The following STXBP5L variants were observed in gnomAD, a reference collection of about 807,000 sequenced individuals.
STXBP5L encodes the protein syntaxin-binding protein 5-like.
STXBP5L carries 65 observed loss-of-function variants against 144.5 expected under a neutral mutation model. The observed-to-expected ratio is 0.45, with a 90% CI of 0.37 to 0.55. The LOEUF is 0.55. Ranked by LOEUF, STXBP5L falls within the 20% of genes least tolerant of loss-of-function variation. STXBP5L has a pLI of 0.00. For synonymous variants in STXBP5L, 505 were observed against 469.6 expected (o/e 1.08, Z -0.97); for missense variants, 1,298 against 1,405.5 (o/e 0.92, Z 1.22).
rs182621294 is a variant in STXBP5L at position 121,338,658 on chromosome 3, G to T, written c.2176+20118G>T. Among the ~76,000 whole-genome samples, 29 of 145,706 alleles carry T rather than the reference G, an allele frequency of 2.0e-4. No individual in the cohort carries two copies. The East Asian group carries it at 5.7e-3, about 28-fold the overall frequency. On this transcript the variant is annotated intron_variant, in intron 20 of 26. Coordinates refer to ENST00000471454, the MANE Select transcript of STXBP5L (RefSeq NM_001308330.2). ...AGAAAGAGAAAGAGAGAAAGAAAAA[G>T]AGAAAGAAAAAAAGAAAGAGGAAGG...
intron 3 of STXBP5L, among the ~76,000 whole-genome samples, chr3:120,962,085 T>C (rs796699391): frequency 2.6e-5 from 4 of 152,338 alleles, no homozygotes; most frequent in African/African-American, 9.6e-5. Flanking sequence ...TTGAGAAGTG[T>C]CTGTTCATAT....
intron 11 of STXBP5L, among the ~76,000 whole-genome samples, chr3:121,227,316 C>G (rs2049151503): frequency 6.6e-6 from 1 of 152,164 alleles, no homozygotes; most frequent in Non-Finnish European, 1.5e-5. Context: ...TGCAGTGGCT[C>G]ACACCTGTAA....
intron 20 of STXBP5L, chr3:121,324,578 C>A: frequency 1.5e-6 from 1 of 687,004 alleles, no homozygotes; most frequent in Non-Finnish European, 2.6e-6. Context: ...AAGTATATCA[C>A]TTGCCAGGTG....
chr3:120,941,727 A>G (rs1321036719), intron 2 of STXBP5L, among the ~76,000 whole-genome samples: 1 of 151,772 alleles, frequency 6.6e-6, no homozygotes, highest in African/African-American at 2.4e-5. Flanking sequence ...AACACTACCT[A>G]TTAATATTTA....
chr3:121,312,391 T>TTTTA (rs1491500989), intron 19 of STXBP5L, among the ~76,000 whole-genome samples: 1 of 100,350 alleles, frequency 1.0e-5, no homozygotes, highest in African/African-American at 4.1e-5. Flanking sequence ...TTTTTTTTTT[T>TTTTA]ATGGCAGAAA....
chr3:121,103,084 T>G (rs778759849), intron 5 of STXBP5L, among the ~76,000 whole-genome samples: 1 of 152,120 alleles, frequency 6.6e-6, no homozygotes, highest in African/African-American at 2.4e-5. Flanking sequence ...GAAAAAGGAA[T>G]GTTTGTACAC....
In STXBP5L at chr3:121,407,546, T is replaced by C. The variant is rs764003250; in HGVS notation, c.2891T>C (p.Met964Thr). 4 of 1,613,394 alleles carry C rather than the reference T, an allele frequency of 2.5e-6. No homozygotes were observed. The highest frequency in any genetic ancestry group is 3.4e-6 in the Non-Finnish European group (4 of 1,179,560). Residue 964 changes from methionine to threonine, a missense_variant, in exon 23 of 27, where the codon ATG (methionine) becomes ACG (threonine). Coordinates refer to ENST00000471454, the MANE Select transcript of STXBP5L (RefSeq NM_001308330.2). ...ATACTGCAAGCAAATGTGGTGGTCA[T>C]GTGTAGCAGTGCCTGCTTGGCATGC... ...SFILQANVVV[M>T]CSSACLACFC...
intron 7 of STXBP5L, among the ~76,000 whole-genome samples, chr3:121,129,186 G>A (rs1559778722): frequency 6.6e-6 from 1 of 151,964 alleles, no homozygotes; most frequent in East Asian, 1.9e-4. Context: ...TGTATAATTT[G>A]ACAGATATGC....
intron 2 of STXBP5L, among the ~76,000 whole-genome samples, chr3:120,925,374 A>G (rs1005849546): frequency 1.3e-5 from 2 of 152,178 alleles, no homozygotes; most frequent in East Asian, 3.9e-4. Context: ...TAATCATTAT[A>G]TCCTCTTGCT....
At chr3:121,192,628 A>C (rs1436605743) in intron 9 of STXBP5L, among the ~76,000 whole-genome samples, 1 of 152,238 alleles carries the variant, frequency 6.6e-6, no homozygotes, top group Non-Finnish European at 1.5e-5. Context: ...ACAGAGAGAT[A>C]GACCAATGGA....
intron 5 of STXBP5L, among the ~76,000 whole-genome samples, chr3:121,085,262 G>A (rs1304982786): frequency 6.6e-6 from 1 of 151,968 alleles, no homozygotes; most frequent in Non-Finnish European, 1.5e-5. Flanking sequence ...TGCAGTTGCA[G>A]TTGACGTTTT....
intron 9 of STXBP5L, among the ~76,000 whole-genome samples, chr3:121,178,911 A>C (rs1207871199): frequency 6.6e-6 from 1 of 152,194 alleles, no homozygotes; most frequent in Non-Finnish European, 1.5e-5. Context: ...AGCTTCCAGC[A>C]GAATCTTGTT....
At chr3:121,209,606 C>T (rs2048476836) in intron 10 of STXBP5L, among the ~76,000 whole-genome samples, 2 of 151,958 alleles carry the variant, frequency 1.3e-5, no homozygotes, top group South Asian at 2.1e-4. Flanking sequence ...TGACAGGCCC[C>T]AGTGTGTGAT....
chr3:121,209,505 C>T (rs569882041), intron 10 of STXBP5L, among the ~76,000 whole-genome samples: 1 of 152,064 alleles, frequency 6.6e-6, no homozygotes, highest in Non-Finnish European at 1.5e-5. Flanking sequence ...CATATGTATA[C>T]ATGTGCCATG....
intron 20 of STXBP5L, among the ~76,000 whole-genome samples, chr3:121,345,902 C>G (rs1346374449): frequency 1.3e-5 from 2 of 151,962 alleles, no homozygotes; most frequent in African/African-American, 4.8e-5. Flanking sequence ...TCTTCAGTAC[C>G]ACTGTTAATG....
intron 6 of STXBP5L, among the ~76,000 whole-genome samples, chr3:121,119,154 T>C (rs1348325557): frequency 1.3e-5 from 2 of 151,532 alleles, no homozygotes; most frequent in Non-Finnish European, 3.0e-5. Context: ...ATTATGACTT[T>C]CTATTATTTA....
chr3:120,935,610 C>T (rs1217400660), intron 2 of STXBP5L, among the ~76,000 whole-genome samples: 1 of 151,862 alleles, frequency 6.6e-6, no homozygotes, highest in Non-Finnish European at 1.5e-5. Flanking sequence ...TTTCTCCTTC[C>T]CTTTTGAAGA....
intron 2 of STXBP5L, among the ~76,000 whole-genome samples, chr3:120,918,601 G>C (rs977887038): frequency 6.6e-6 from 1 of 152,106 alleles, no homozygotes; most frequent in Non-Finnish European, 1.5e-5. Flanking sequence ...CTCACCCTGT[G>C]CTTACACTAT....
intron 2 of STXBP5L, among the ~76,000 whole-genome samples, chr3:120,937,903 A>G (rs1317647739): frequency 2.6e-5 from 4 of 152,164 alleles, no homozygotes; most frequent in Non-Finnish European, 5.9e-5. Context: ...TAATAGGGGC[A>G]TAAGTTTAAC....
Sources: gnomAD v4.1 joint callset for allele counts (sites outside exome capture counted in the v4.1 genomes callset) on GRCh38, gnomAD v4.1.1 for gene constraint, MANE v1.5 for transcripts, NCBI Gene and HGNC (gene_info 2026-07-23, HGNC 2026-07-21) for gene names.